IDE: variants seen among roughly 807,000 people sequenced by gnomAD.
The protein encoded by IDE is insulin degrading enzyme.
Under a neutral mutation model 133.2 loss-of-function variants are expected in IDE, and 58 were observed. The observed-to-expected ratio is 0.44, with a 90% CI of 0.35 to 0.54. The LOEUF (loss-of-function observed/expected upper bound fraction) is 0.54. IDE is among the 20% of genes least tolerant of loss of function. The pLI, the probability that IDE is intolerant of heterozygous loss-of-function variation, is 0.00. For synonymous variants in IDE, 396 were observed against 421.3 expected, an observed-to-expected ratio of 0.94 and a Z score of 0.73; for missense variants, 981 against 1,234.0, an observed-to-expected ratio of 0.79 and a Z score of 3.07.
At chr10:92,521,975 G>A (rs571577476) in intron 4 of IDE, among the ~76,000 whole-genome samples, 1 of 152,082 alleles carries the variant, frequency 6.6e-6, no homozygotes, top group South Asian at 2.1e-4. Flanking sequence ...AATGTGGATT[G>A]TACAGAATTG....
Position 92,487,328 on chromosome 10 carries a change from T to A in IDE, c.1534-10A>T, listed in dbSNP as rs201361741. On this transcript the variant is annotated splice_polypyrimidine_tract_variant and intron_variant, in intron 12 of 24. Coordinates refer to ENST00000265986, the MANE Select transcript of IDE (RefSeq NM_004969.4). ...CAGCATTTTGCCATTTCTGGATGAATAATGAAACACACAAATGCAGTAAGA... is the reference window on the plus strand; with the variant it reads ...CAGCATTTTGCCATTTCTGGATGAAAAATGAAACACACAAATGCAGTAAGA... 8.1e-6 allele frequency: 13 copies of A among 1,607,474 alleles called. No individual in the cohort carries two copies. Among genetic ancestry groups the A allele is most frequent in the Middle Eastern group, 3.3e-4 (2 of 6,038 alleles).
intron 21 of IDE, among the ~76,000 whole-genome samples, chr10:92,462,934 C>T (rs1024581320): frequency 6.6e-6 from 1 of 151,774 alleles, no homozygotes; most frequent in Non-Finnish European, 1.5e-5. Context: ...TGGTGGCTCA[C>T]GCCTGTAATC....
intron 21 of IDE, 142 bp downstream of exon 21, chr10:92,463,589 T>C: frequency 1.4e-6 from 1 of 730,638 alleles, no homozygotes; most frequent in Non-Finnish European, 2.3e-6. Context: ...AACAGTTCTT[T>C]GGAAGTGCCA....
intron 4 of IDE, among the ~76,000 whole-genome samples, chr10:92,524,489 T>A (rs1589473883): frequency 1.7e-4 from 2 of 11,816 alleles, no homozygotes; most frequent in Admixed American, 1.4e-3. Context: ...ATATATTATA[T>A]TATAATATAT....
At chr10:92,536,227 A>G (rs1841994409) in intron 2 of IDE, among the ~76,000 whole-genome samples, 2 of 150,800 alleles carry the variant, frequency 1.3e-5, no homozygotes, top group African/African-American at 4.9e-5. Context: ...TACTAAAAAT[A>G]CCCAAATTAA....
At chr10:92,493,512 G>T (rs1847498316) in intron 11 of IDE, among the ~76,000 whole-genome samples, 1 of 151,254 alleles carries the variant, frequency 6.6e-6, no homozygotes, top group Non-Finnish European at 1.5e-5. Context: ...TAAACAAGCT[G>T]CCAAGCCAGA....
chr10:92,534,022 T>TG (rs1409414325), intron 3 of IDE, among the ~76,000 whole-genome samples: 1 of 132,298 alleles, frequency 7.6e-6, no homozygotes, highest in Non-Finnish European at 1.8e-5. Flanking sequence ...AAACTCCGTC[T>TG]GAAAAAAAAA....
Position 92,454,253 on chromosome 10 carries a change from A to T in IDE, c.*191T>A. On this transcript the variant is annotated 3_prime_UTR_variant, in exon 25 of 25. Coordinates refer to ENST00000265986, the MANE Select transcript of IDE (RefSeq NM_004969.4). ...ATATTTAAGAGGCATGTATTTAAAA[A>T]ATATTCTACATCTATAAGATTTTGT... is the stretch of plus-strand genomic sequence containing the variant. The T allele has an allele frequency of 2.2e-6, 1 of 459,644 alleles. No individual in the cohort carries two copies. The highest frequency in any genetic ancestry group is 3.3e-5 in the East Asian group (1 of 30,242). The allele number at this position is 459,644 out of a possible 1,614,324, so 28.5% of individuals were successfully genotyped here.
At chr10:92,458,800 C>T (rs1002533436) in intron 22 of IDE, among the ~76,000 whole-genome samples, 1 of 151,886 alleles carries the variant, frequency 6.6e-6, no homozygotes, top group African/African-American at 2.4e-5. Flanking sequence ...ACGCCCAGCC[C>T]CTCTCTCTTT....
chr10:92,494,352 G>A (rs1847559473), intron 11 of IDE, among the ~76,000 whole-genome samples: 1 of 149,858 alleles, frequency 6.7e-6, no homozygotes, highest in Admixed American at 6.7e-5. Flanking sequence ...ACAGGCATGA[G>A]CTACCATGCC....
intron 4 of IDE, among the ~76,000 whole-genome samples, chr10:92,523,701 TA>T (rs74263178): frequency 0.066 from 7,677 of 117,080 alleles, 351 homozygotes; most frequent in African/African-American, 0.14. Flanking sequence ...GACTCAGTCT[TA>T]AAAAAAAAAA....
rs747216756 is a variant in IDE at position 92,463,871 on chromosome 10, A to G, written c.2621T>C (p.Ile874Thr). 1.6e-5 allele frequency: 26 copies of G among 1,614,012 alleles called. No individual in the cohort carries two copies. The highest frequency in any genetic ancestry group is 2.0e-5 in the Non-Finnish European group (24 of 1,180,034). ...EAFLITMEKS[I>T]EDMTEEAFQK... ...GAAGGCCTCTTCTGTCATGTCCTCT[A>G]TGGACTTTTCCATGGTAATTAAGAA... The change falls in exon 21 of 25, where the codon ATA (isoleucine) becomes ACA (threonine). Residue 874 changes from isoleucine to threonine, a missense_variant. Around this residue, in one of 2 missense-constraint regions of IDE, gnomAD observed 660 missense variants for 894.7 expected, o/e 0.74. Transcript: ENST00000265986.
chr10:92,567,478 T>C (rs567304387), intron 1 of IDE, among the ~76,000 whole-genome samples: 26 of 152,290 alleles, frequency 1.7e-4, no homozygotes, highest in Admixed American at 1.4e-3. Context: ...TTATCCCTCA[T>C]CAGTCTCTGC....
At chr10:92,559,575 TAGAA>T (rs1843179660) in intron 1 of IDE, among the ~76,000 whole-genome samples, 1 of 151,956 alleles carries the variant, frequency 6.6e-6, no homozygotes, top group Non-Finnish European at 1.5e-5. Flanking sequence ...GGCAAATCCA[TAGAA>T]AGAAAGATGA....
Position 92,514,979 on chromosome 10 carries a change from A to C in IDE, c.725T>G (p.Leu242Arg), listed in dbSNP as rs779445780. The C allele has an allele frequency of 6.2e-7, 1 of 1,611,274 alleles. No individual in the cohort carries two copies. Among genetic ancestry groups the C allele is most frequent in the South Asian group, 1.1e-5 (1 of 90,982 alleles). The change falls in exon 5 of 25, where the codon CTG (leucine) becomes CGG (arginine). Residue 242 changes from leucine to arginine, a missense_variant. By Grantham distance (102) the Leu-to-Arg change is moderately radical (BLOSUM62 -2). Around this residue, in one of 2 missense-constraint regions of IDE, gnomAD observed 321 missense variants for 339.3 expected, o/e 0.95. Transcript: ENST00000265986. ...QEGIDVRQEL[L>R]KFHSAYYSSN... ...TGAATAGTAAGCAGAATGGAATTTCAGTAGCTCTTGTCTTACATCAATGCC... is the reference window on the plus strand; with the variant it reads ...TGAATAGTAAGCAGAATGGAATTTCCGTAGCTCTTGTCTTACATCAATGCC...
chr10:92,563,149 G>A (rs1843358311), intron 1 of IDE, among the ~76,000 whole-genome samples: 1 of 152,224 alleles, frequency 6.6e-6, no homozygotes, highest in African/African-American at 2.4e-5. Flanking sequence ...TACTTGGGAG[G>A]CTGAGACAGG....
chr10:92,524,388 ATT>A (rs2135616833), intron 4 of IDE, among the ~76,000 whole-genome samples: 2 of 95,978 alleles, frequency 2.1e-5, no homozygotes, highest in African/African-American at 4.2e-5. Context: ...TATATAATAT[ATT>A]TTATATAATA....
chr10:92,509,156 G>A (rs1316548852), intron 6 of IDE, among the ~76,000 whole-genome samples: 3 of 152,154 alleles, frequency 2.0e-5, no homozygotes, highest in Non-Finnish European at 4.4e-5. Context: ...TTCAGGTACA[G>A]GTTAACAGCT....
chr10:92,540,166 C>T (rs1470547107), intron 1 of IDE, among the ~76,000 whole-genome samples: 1 of 151,916 alleles, frequency 6.6e-6, no homozygotes. Flanking sequence ...TTGCTTGAAC[C>T]CGGGAGGCAG....
Sources: gnomAD v4.1 joint callset for allele counts (sites outside exome capture counted in the v4.1 genomes callset) on GRCh38, gnomAD v4.1.1 for gene constraint, gnomAD v4.1.1 regional missense constraint, MANE v1.5 for transcripts, NCBI Gene and HGNC (gene_info 2026-07-23, HGNC 2026-07-21) for gene names.